ANKRD45: variants seen among roughly 807,000 people sequenced by gnomAD.
ANKRD45 encodes the protein ankyrin repeat domain-containing protein 45.
In ANKRD45, 21 loss-of-function variants were observed where a neutral mutation model predicts 28.1. The ratio of observed to expected loss-of-function variants is 0.75; its 90% CI spans 0.53 to 1.08. The LOEUF (loss-of-function observed/expected upper bound fraction) is 1.08. ANKRD45 is among the 50% of genes least tolerant of loss of function. The pLI is 0.00. For missense variants in ANKRD45, 261 were observed against 308.7 expected (o/e 0.85, Z 1.16); for synonymous variants, 86 against 103.9 (o/e 0.83, Z 1.05).
upstream of ANKRD45, among the ~76,000 whole-genome samples, chr1:173,671,060 A>G (rs1670232715): frequency 6.6e-6 from 1 of 152,112 alleles, no homozygotes; most frequent in Admixed American, 6.5e-5. Context: ...GTCTTCCCCA[A>G]CGTTGCCTAA....
intron 4 of ANKRD45, among the ~76,000 whole-genome samples, chr1:173,626,709 C>T (rs1362082386): frequency 6.6e-6 from 1 of 151,666 alleles, no homozygotes; most frequent in Non-Finnish European, 1.5e-5. Context: ...ATGTAGGCAT[C>T]CCTAAATTAT....
chr1:173,662,461 A>G (rs978300801), intron 1 of ANKRD45, among the ~76,000 whole-genome samples: 2 of 152,230 alleles, frequency 1.3e-5, no homozygotes, highest in African/African-American at 2.4e-5. Flanking sequence ...AAGCCAAGTA[A>G]GACTGACTAT....
In ANKRD45 at chr1:173,659,085, A is replaced by C; in HGVS notation, c.328+6T>G. Reference sequence around the variant, plus strand: ...TAATACTGATGAGAGAAAAAAGACAAAATACCTCTGGTGGTTTTTTCATTC... The same window carrying C: ...TAATACTGATGAGAGAAAAAAGACACAATACCTCTGGTGGTTTTTTCATTC... On this transcript the variant is annotated splice_donor_region_variant and intron_variant, in intron 2 of 5. Coordinates refer to ENST00000333279, the MANE Select transcript of ANKRD45 (RefSeq NM_198493.3). 1 of 1,612,052 alleles carries C rather than the reference A, an allele frequency of 6.2e-7. No homozygotes were observed. Among genetic ancestry groups the C allele is most frequent in the Non-Finnish European group, 8.5e-7 (1 of 1,178,952 alleles).
At chr1:173,679,827 A>C in the ANKRD45 span, among the ~76,000 whole-genome samples, 1 of 152,236 alleles carries the variant, frequency 6.6e-6, no homozygotes, top group East Asian at 1.9e-4. Flanking sequence ...AGAACCTACA[A>C]AGAACTTAAA....
chr1:173,629,234 G>T (rs1033003208), intron 3 of ANKRD45, among the ~76,000 whole-genome samples: 1 of 152,156 alleles, frequency 6.6e-6, no homozygotes, highest in Non-Finnish European at 1.5e-5. Context: ...ACTCTTCAAT[G>T]CCCAGATGCC....
At chr1:173,696,020 TA>T in the ANKRD45 span, among the ~76,000 whole-genome samples, 1 of 152,216 alleles carries the variant, frequency 6.6e-6, no homozygotes, top group African/African-American at 2.4e-5. Flanking sequence ...TGCCTTGTGA[TA>T]TTTTATTGCC....
the ANKRD45 span, among the ~76,000 whole-genome samples, chr1:173,710,357 CAAAG>C: frequency 6.6e-6 from 1 of 152,078 alleles, no homozygotes; most frequent in Non-Finnish European, 1.5e-5. Flanking sequence ...GAGCAGGAGT[CAAAG>C]GAAGGAAAGT....
chr1:173,672,143 G>A (rs1670280178), upstream of ANKRD45, among the ~76,000 whole-genome samples: 1 of 152,090 alleles, frequency 6.6e-6, no homozygotes, highest in Admixed American at 6.5e-5. Context: ...TCATAAATCT[G>A]AACTTTTGAA....
chr1:173,624,978 C>T (rs1456180328), intron 4 of ANKRD45, 53 bp from the exon 5 acceptor site: 4 of 1,562,120 alleles, frequency 2.6e-6, no homozygotes, highest in Admixed American at 1.9e-5. Flanking sequence ...AAAAATAAAA[C>T]TCAACAGTAT....
intron 2 of ANKRD45, 60 bp from the exon 3 acceptor site, chr1:173,647,073 TGTA>T (rs1668969676): frequency 2.0e-6 from 3 of 1,510,654 alleles, no homozygotes; most frequent in Non-Finnish European, 2.7e-6. Flanking sequence ...GGCTAATTTA[TGTA>T]GTGGAAGATC....
At chr1:173,700,695 G>A in the ANKRD45 span, among the ~76,000 whole-genome samples, 4 of 152,208 alleles carry the variant, frequency 2.6e-5, no homozygotes, top group Admixed American at 6.5e-5. Context: ...AGACTTAAAT[G>A]TTAGACCTAA....
chr1:173,646,295 A>G (rs1005271102), intron 3 of ANKRD45, among the ~76,000 whole-genome samples: 4 of 152,246 alleles, frequency 2.6e-5, no homozygotes, highest in Admixed American at 2.0e-4. Flanking sequence ...GAATTTTCAA[A>G]GAAACATACC....
At chr1:173,660,341 A>G (rs1382316511) in intron 1 of ANKRD45, among the ~76,000 whole-genome samples, 1 of 152,226 alleles carries the variant, frequency 6.6e-6, no homozygotes, top group East Asian at 1.9e-4. Context: ...CAAAAAACCC[A>G]GAAGGGAAAA....
chr1:173,673,954 C>T (rs1352419104), upstream of ANKRD45, among the ~76,000 whole-genome samples: 1 of 152,172 alleles, frequency 6.6e-6, no homozygotes, highest in Non-Finnish European at 1.5e-5. Flanking sequence ...CCATGGTTTT[C>T]ACCTGCTGGT....
the ANKRD45 span, among the ~76,000 whole-genome samples, chr1:173,683,020 G>A: frequency 6.6e-6 from 1 of 151,514 alleles, no homozygotes; most frequent in East Asian, 1.9e-4. Context: ...CACTACAGAG[G>A]CCTTGTTCCC....
intron 3 of ANKRD45, chr1:173,635,910 A>C (rs1310048008): frequency 2.5e-6 from 3 of 1,194,870 alleles, no homozygotes; most frequent in Non-Finnish European, 2.3e-6. Flanking sequence ...TAATATTACT[A>C]GTTTCTTTGA....
chr1:173,713,732 C>G, the ANKRD45 span, among the ~76,000 whole-genome samples: 1 of 152,116 alleles, frequency 6.6e-6, no homozygotes, highest in Non-Finnish European at 1.5e-5. Context: ...TCCCATACCC[C>G]TATGACTGCA....
In ANKRD45 at chr1:173,636,919, C is replaced by T. The variant is rs781023970; in HGVS notation, c.497-9760G>A. 3 of 1,535,736 alleles carry T rather than the reference C, an allele frequency of 2.0e-6. No homozygotes were observed. In the South Asian group the frequency reaches 3.6e-5, roughly 18 times the overall value. On this transcript the variant is annotated intron_variant, in intron 3 of 5. Transcript: ENST00000333279. ...ACCAAACACTCCACAGAGTGGCAAC[C>T]ACAGCATCAGTGATATACAAGATCT...
chr1:173,619,209 CT>C (rs1235265159), intron 5 of ANKRD45, among the ~76,000 whole-genome samples: 1 of 152,234 alleles, frequency 6.6e-6, no homozygotes, highest in African/African-American at 2.4e-5. Context: ...ACCAGTGACA[CT>C]TTGAAGCAAC....
Sources: allele counts gnomAD v4.1 joint callset (sites outside exome capture counted in the v4.1 genomes callset), GRCh38; gene constraint gnomAD v4.1.1; transcripts MANE v1.5; gene names NCBI Gene and HGNC (gene_info 2026-07-23, HGNC 2026-07-21).